Variants in AR observed in about 807,000 individuals in gnomAD.
AR encodes the protein androgen receptor, also known as dihydrotestosterone receptor.
A neutral mutation model predicts 53.9 loss-of-function variants in AR; 8 were observed. The observed-to-expected ratio is 0.15, with a 90% confidence interval of 0.09 to 0.27. The LOEUF (loss-of-function observed/expected upper bound fraction) is 0.27. Ranked by LOEUF, AR falls within the 10% of genes least tolerant of loss-of-function variation. The pLI, the probability that AR is intolerant of heterozygous loss-of-function variation, is 1.00. For missense variants in AR, 639 were observed against 742.5 expected, an observed-to-expected ratio of 0.86 and a Z score of 1.62; for synonymous variants, 359 against 316.4, an observed-to-expected ratio of 1.13 and a Z score of -1.43.
intron 1 of AR, among the ~76,000 whole-genome samples, chrX:67,568,060 C>T (rs1222388780): frequency 9.0e-6 from 1 of 110,720 alleles, no homozygotes; most frequent in South Asian, 3.8e-4. Flanking sequence ...GCAGAGTAGC[C>T]CCTCCAAATC....
intron 1 of AR, 94 bp from the exon 2 acceptor site, chrX:67,643,162 A>C: frequency 9.8e-7 from 1 of 1,023,344 alleles, no homozygotes; most frequent in Non-Finnish European, 1.4e-6. Flanking sequence ...ATAGTCATTT[A>C]TGCCTGCAGG....
intron 1 of AR, among the ~76,000 whole-genome samples, chrX:67,578,802 A>T (rs1922166602): frequency 8.9e-6 from 1 of 112,082 alleles, no homozygotes; most frequent in South Asian, 3.7e-4. Flanking sequence ...ATGGGCTGGG[A>T]AAATGAAAGG....
At chrX:67,689,616 A>G (rs1445813370) in intron 3 of AR, 1 of 962,421 alleles carries the variant, frequency 1.0e-6, no homozygotes, top group East Asian at 7.7e-5. Flanking sequence ...TGGCTTCCTT[A>G]AAGACTACCT....
intron 1 of AR, among the ~76,000 whole-genome samples, chrX:67,636,849 G>A (rs1925460058): frequency 9.0e-6 from 1 of 111,494 alleles, no homozygotes; most frequent in Non-Finnish European, 1.9e-5. Context: ...ACTATCTCAG[G>A]TCTCTAGTCA....
At chrX:67,561,187 A>G (rs1921284950) in intron 1 of AR, among the ~76,000 whole-genome samples, 1 of 112,426 alleles carries the variant, frequency 8.9e-6, no homozygotes, top group African/African-American at 3.2e-5. Context: ...CTCTTTGGAT[A>G]TAAGATATCC....
intron 2 of AR, among the ~76,000 whole-genome samples, chrX:67,654,767 G>T (rs1352093788): frequency 1.9e-5 from 2 of 104,894 alleles, no homozygotes; most frequent in South Asian, 4.6e-4. Context: ...GCCAGCACCT[G>T]TGTAAATAAT....
intron 1 of AR, among the ~76,000 whole-genome samples, chrX:67,589,769 C>G (rs1479708285): frequency 9.0e-6 from 1 of 111,638 alleles, no homozygotes; most frequent in African/African-American, 3.3e-5. Flanking sequence ...TACAGGCAGC[C>G]AGTTTCCCCT....
At chrX:67,630,626 T>G (rs1242145639) in intron 1 of AR, among the ~76,000 whole-genome samples, 1 of 109,827 alleles carries the variant, frequency 9.1e-6, no homozygotes, top group Admixed American at 9.7e-5. Flanking sequence ...ATTGGAGCAT[T>G]TAGTCCATTT....
intron 1 of AR, among the ~76,000 whole-genome samples, chrX:67,623,452 A>C (rs1569285335): frequency 8.9e-6 from 1 of 111,984 alleles, no homozygotes; most frequent in East Asian, 2.8e-4. Flanking sequence ...AATGAAAATG[A>C]AAATACATTG....
intron 1 of AR, among the ~76,000 whole-genome samples, chrX:67,595,016 C>T (rs183231618): frequency 6.3e-5 from 7 of 111,008 alleles, no homozygotes; most frequent in African/African-American, 2.0e-4. Flanking sequence ...AATAATTTTC[C>T]AATCTAGAAT....
chrX:67,633,725 G>A (rs1377224756), intron 1 of AR, among the ~76,000 whole-genome samples: 1 of 111,807 alleles, frequency 8.9e-6, no homozygotes, highest in Non-Finnish European at 1.9e-5. Context: ...TGGTTTATCT[G>A]TCAATAATAA....
chrX:67,673,679 C>T (rs1272631882), intron 2 of AR, among the ~76,000 whole-genome samples: 1 of 109,807 alleles, frequency 9.1e-6, no homozygotes, highest in Non-Finnish European at 1.9e-5. Context: ...TGATAGAATT[C>T]TGAATTCTTT....
At chrX:67,601,741 A>C (rs1349903159) in intron 1 of AR, among the ~76,000 whole-genome samples, 1 of 112,423 alleles carries the variant, frequency 8.9e-6, no homozygotes, top group East Asian at 2.8e-4. Flanking sequence ...AGATTCTTAT[A>C]AGGTTCACCT....
At chrX:67,647,380 C>T (rs1447086688) in intron 2 of AR, among the ~76,000 whole-genome samples, 1 of 111,668 alleles carries the variant, frequency 9.0e-6, no homozygotes, top group Non-Finnish European at 1.9e-5. Context: ...GCAAGTGAAC[C>T]CTCATTGAAC....
intron 3 of AR, among the ~76,000 whole-genome samples, chrX:67,705,680 A>G (rs1048968589): frequency 3.6e-5 from 4 of 111,575 alleles, no homozygotes; most frequent in Admixed American, 9.5e-5. Flanking sequence ...TTCCAACACT[A>G]TGTTGAATAG....
intron 1 of AR, among the ~76,000 whole-genome samples, chrX:67,609,239 A>G (rs1312292423): frequency 1.8e-5 from 2 of 111,272 alleles, no homozygotes; most frequent in East Asian, 5.6e-4. Flanking sequence ...TGGCTGAATT[A>G]TTTCTTAGAA....
rs918264694 is a variant in AR at position 67,729,638 on chromosome X, G to C, written c.*5797G>C. 3 of 172,739 alleles carry C rather than the reference G, an allele frequency of 1.7e-5. No homozygotes were observed. Among genetic ancestry groups the C allele is most frequent in the Admixed American group, 8.0e-5 (1 of 12,473 alleles). The allele number at this position is 172,739 out of a possible 1,213,427, so 14.2% of individuals were successfully genotyped here. A position where few individuals can be genotyped will look rare whatever the true frequency, so the allele number is the denominator to read the frequency against. On this transcript the variant is annotated 3_prime_UTR_variant, in exon 8 of 8. Coordinates refer to ENST00000374690, the MANE Select transcript of AR (RefSeq NM_000044.6). ...CTGGGGAATTAAATGAGAAGCCTTA[G>C]AATGGGTGGCCCTTGTGACCTGAAA...
At chrX:67,687,826 T>C (rs914917323) in intron 3 of AR, among the ~76,000 whole-genome samples, 1 of 112,180 alleles carries the variant, frequency 8.9e-6, no homozygotes, top group African/African-American at 3.2e-5. Flanking sequence ...TAAAGTTTAA[T>C]GGTAACAAAA....
chrX:67,570,169 T>G (rs1051083562), intron 1 of AR, among the ~76,000 whole-genome samples: 3 of 112,085 alleles, frequency 2.7e-5, no homozygotes, highest in Non-Finnish European at 3.8e-5. Flanking sequence ...GTGCATTTCA[T>G]TGTATGTGTA....
Sources: allele counts gnomAD v4.1 joint callset (sites outside exome capture counted in the v4.1 genomes callset), GRCh38; gene constraint gnomAD v4.1.1; transcripts MANE v1.5; gene names NCBI Gene and HGNC (gene_info 2026-07-23, HGNC 2026-07-21).